STK32B: variants seen among roughly 807,000 people sequenced by gnomAD.
STK32B encodes the protein serine/threonine-protein kinase 32B.
In STK32B, 43 loss-of-function variants were observed where a neutral mutation model predicts 52.6. The ratio of observed to expected loss-of-function variants is 0.82; its 90% confidence interval spans 0.64 to 1.05. STK32B has a LOEUF of 1.05. Ranked by LOEUF, STK32B falls within the 50% of genes least tolerant of loss-of-function variation. STK32B has a pLI of 0.00. For synonymous variants in STK32B, 238 were observed against 204.3 expected, an observed-to-expected ratio of 1.17 and a Z score of -1.41; for missense variants, 621 against 534.6, an observed-to-expected ratio of 1.16 and a Z score of -1.59.
At chr4:5,264,872 C>T (rs1221449261) in intron 3 of STK32B, among the ~76,000 whole-genome samples, 1 of 152,022 alleles carries the variant, frequency 6.6e-6, no homozygotes, top group African/African-American at 2.4e-5. Flanking sequence ...TTTGTGAATT[C>T]TTTATCCCAA....
intron 3 of STK32B, among the ~76,000 whole-genome samples, chr4:5,176,102 T>A (rs1007764115): frequency 6.6e-6 from 1 of 152,224 alleles, no homozygotes; most frequent in African/African-American, 2.4e-5. Context: ...CTCTGAGCCA[T>A]GTGCGGGATA....
At chr4:5,232,810 C>G (rs1236007489) in intron 3 of STK32B, among the ~76,000 whole-genome samples, 1 of 152,146 alleles carries the variant, frequency 6.6e-6, no homozygotes, top group African/African-American at 2.4e-5. Context: ...GCCCTGTGCC[C>G]CACACCAATA....
chr4:5,122,650 C>T (rs1715129488), intron 1 of STK32B, among the ~76,000 whole-genome samples: 1 of 152,192 alleles, frequency 6.6e-6, no homozygotes, highest in South Asian at 2.1e-4. Flanking sequence ...CTCATTTACT[C>T]ATTCATTCAT....
At chr4:5,215,286 A>G (rs1304343407) in intron 3 of STK32B, among the ~76,000 whole-genome samples, 1 of 152,196 alleles carries the variant, frequency 6.6e-6, no homozygotes, top group Non-Finnish European at 1.5e-5. Flanking sequence ...CTCAACAGTT[A>G]GTTGATGTGT....
At chr4:5,211,477 C>T (rs1307432929) in intron 3 of STK32B, among the ~76,000 whole-genome samples, 1 of 151,546 alleles carries the variant, frequency 6.6e-6, no homozygotes, top group Non-Finnish European at 1.5e-5. Flanking sequence ...AGAGTTACTT[C>T]TACAAGGAAA....
At chr4:5,215,030 G>A (rs982743397) in intron 3 of STK32B, among the ~76,000 whole-genome samples, 1 of 152,150 alleles carries the variant, frequency 6.6e-6, no homozygotes, top group Non-Finnish European at 1.5e-5. Context: ...AAAGACATTG[G>A]GAATTGATGG....
chr4:5,167,372 A>G (rs1718961696), intron 2 of STK32B, among the ~76,000 whole-genome samples: 1 of 152,214 alleles, frequency 6.6e-6, no homozygotes, highest in African/African-American at 2.4e-5. Context: ...TGAGATGGTC[A>G]AGGAGATGAT....
chr4:5,161,056 C>G (rs113442769), intron 2 of STK32B, among the ~76,000 whole-genome samples: 1 of 152,150 alleles, frequency 6.6e-6, no homozygotes, highest in African/African-American at 2.4e-5. Flanking sequence ...AGGACTTTGG[C>G]CTTTACTCCT....
intron 1 of STK32B, among the ~76,000 whole-genome samples, chr4:5,079,126 T>C (rs1712256989): frequency 6.6e-6 from 1 of 152,202 alleles, no homozygotes; most frequent in African/African-American, 2.4e-5. Context: ...CATTTTGTAT[T>C]GCCAGAATAT....
intron 5 of STK32B, among the ~76,000 whole-genome samples, chr4:5,415,271 G>A (rs571465451): frequency 5.9e-5 from 9 of 152,244 alleles, no homozygotes; most frequent in South Asian, 4.2e-4. Flanking sequence ...TGATTTCTGC[G>A]ACAGCCTTCT....
chr4:5,152,502 G>A (rs982838825), intron 2 of STK32B, among the ~76,000 whole-genome samples: 5 of 152,246 alleles, frequency 3.3e-5, no homozygotes, highest in East Asian at 1.9e-4. Context: ...CAGGAGGAGT[G>A]AGACAGAGAA....
intron 3 of STK32B, among the ~76,000 whole-genome samples, chr4:5,323,352 A>T (rs947752707): frequency 2.6e-5 from 4 of 152,254 alleles, no homozygotes; most frequent in Non-Finnish European, 5.9e-5. Context: ...GTGTAAGCCC[A>T]CTATGAGCAG....
At chr4:5,266,536 G>A (rs113887039) in intron 3 of STK32B, among the ~76,000 whole-genome samples, 10 of 152,348 alleles carry the variant, frequency 6.6e-5, no homozygotes, top group African/African-American at 1.7e-4. Context: ...GGGAAAAGGT[G>A]AGGAAATTAG....
At chr4:5,145,000 C>T (rs1716799688) in intron 2 of STK32B, among the ~76,000 whole-genome samples, 2 of 152,186 alleles carry the variant, frequency 1.3e-5, no homozygotes, top group Admixed American at 1.3e-4. Flanking sequence ...GGGAGGAACA[C>T]TCATAGTTTA....
At chr4:5,247,582 G>C (rs1009427811) in intron 3 of STK32B, among the ~76,000 whole-genome samples, 25 of 152,262 alleles carry the variant, frequency 1.6e-4, no homozygotes, top group African/African-American at 5.8e-4. Context: ...CCACTGTCCT[G>C]CACCCACTGT....
intron 3 of STK32B, among the ~76,000 whole-genome samples, chr4:5,300,861 G>T (rs749877080): frequency 1.6e-4 from 24 of 151,990 alleles, no homozygotes; most frequent in South Asian, 4.2e-4. Context: ...TGTCCATACT[G>T]CCCAAAGCTA....
At chr4:5,280,564 A>G (rs1263779895) in intron 3 of STK32B, among the ~76,000 whole-genome samples, 1 of 152,108 alleles carries the variant, frequency 6.6e-6, no homozygotes, top group Non-Finnish European at 1.5e-5. Context: ...CCTTTTTGGT[A>G]CCAATTTTCT....
intron 1 of STK32B, among the ~76,000 whole-genome samples, chr4:5,109,583 C>T (rs1413050980): frequency 1.3e-5 from 2 of 152,132 alleles, no homozygotes; most frequent in African/African-American, 4.8e-5. Context: ...TCCAGCAGTC[C>T]TCCATGATAA....
In STK32B at chr4:5,129,446, G is replaced by A. The variant is rs538996768; in HGVS notation, c.53-10459G>A. 5.9e-5 allele frequency among the ~76,000 whole-genome samples: 9 copies of A among 152,154 alleles called. No homozygotes were observed. The South Asian group carries it at 1.7e-3, about 28-fold the overall frequency. ...TTTGTCTCTCTTGTTCATTGTAGGC[G>A]TCTTATCCTGTGCAATGACTATTTG... On this transcript the variant is annotated intron_variant, in intron 1 of 11. Coordinates refer to ENST00000282908, the MANE Select transcript of STK32B (RefSeq NM_018401.3).
Sources: gnomAD v4.1 joint callset for allele counts (sites outside exome capture counted in the v4.1 genomes callset) on GRCh38, gnomAD v4.1.1 for gene constraint, MANE v1.5 for transcripts, NCBI Gene and HGNC (gene_info 2026-07-23, HGNC 2026-07-21) for gene names.